The following MYH10 variants were observed in gnomAD, a reference collection of about 807,000 sequenced individuals.
The protein encoded by MYH10 is myosin-10.
A neutral mutation model predicts 257.8 loss-of-function variants in MYH10; 55 were observed. That is an observed-to-expected ratio of 0.21 (90% confidence interval 0.17 to 0.27). The LOEUF is 0.27. MYH10 is among the 10% of genes least tolerant of loss of function. MYH10 has a pLI of 1.00. For synonymous variants in MYH10, 854 were observed against 921.7 expected (o/e 0.93, Z 1.33); for missense variants, 1,631 against 2,500.6 (o/e 0.65, Z 7.42).
chr17:8,554,093 G>A lies in MYH10; in HGVS notation c.757-75C>T. 2 of 1,004,238 alleles carry A rather than the reference G, an allele frequency of 2.0e-6. 1 individual carries two copies. Among genetic ancestry groups the A allele is most frequent in the South Asian group, 2.8e-5 (2 of 72,518 alleles). The allele number at this position is 1,004,238 out of a possible 1,614,324, so 62.2% of individuals were successfully genotyped here. On this transcript the variant is annotated intron_variant, in intron 7 of 42. Coordinates refer to ENST00000360416, the MANE Select transcript of MYH10 (RefSeq NM_001256012.3). ...GATATGAACACTAATAAACTAAGAA[G>A]ACAACAAGTATCCATGAATTAGTTA...
At chr17:8,511,029 T>TATATATATATAC (rs2081258282) in intron 24 of MYH10, 3 of 4,562 alleles carry the variant, frequency 6.6e-4, no homozygotes, top group Non-Finnish European at 8.9e-3. Flanking sequence ...TATATATATA[T>TATATATATATAC]ATATATATAT....
chr17:8,540,777 A>T (rs2082270916), intron 14 of MYH10, among the ~76,000 whole-genome samples: 1 of 152,224 alleles, frequency 6.6e-6, no homozygotes, highest in South Asian at 2.1e-4. Context: ...ACTAATGTGA[A>T]ATACTCCCTT....
chr17:8,576,564 G>C (rs1435491726), intron 6 of MYH10, 79 bp downstream of exon 6: 1 of 1,367,784 alleles, frequency 7.3e-7, no homozygotes, highest in Non-Finnish European at 1.0e-6. Flanking sequence ...AGTGGCATTT[G>C]ATTCTAGCAG....
At chr17:8,620,447 AAAG>A (rs1300142409) in intron 2 of MYH10, among the ~76,000 whole-genome samples, 4 of 150,018 alleles carry the variant, frequency 2.7e-5, no homozygotes, top group African/African-American at 1.0e-4. Context: ...TTTTATTAGG[AAAG>A]AAGATGAAAA....
At chr17:8,487,948 G>A (rs1240584852) in intron 35 of MYH10, among the ~76,000 whole-genome samples, 1 of 152,198 alleles carries the variant, frequency 6.6e-6, no homozygotes, top group Non-Finnish European at 1.5e-5. Flanking sequence ...GAGCGGGCAT[G>A]GGGTGGTTGC....
intron 3 of MYH10, among the ~76,000 whole-genome samples, chr17:8,591,644 G>C (rs919900134): frequency 6.6e-6 from 1 of 152,016 alleles, no homozygotes; most frequent in Non-Finnish European, 1.5e-5. Context: ...AACCCAAATC[G>C]AATTGCCTCC....
In MYH10 at chr17:8,535,513, CA is replaced by C. The variant is rs762086142; in HGVS notation, c.1780-13del. On this transcript the variant is annotated splice_polypyrimidine_tract_variant and intron_variant, in intron 15 of 42. Transcript: ENST00000360416. This position sits in a 1 kb window ranked among gnomAD's most constrained non-coding sequence, Gnocchi z 4.3. ...GCCTTATAGTCCACCTATCCCGCACCAAAGCCAAAAGTGGTGAAATGGAGAA... is the reference window on the plus strand; with the variant it reads ...GCCTTATAGTCCACCTATCCCGCACCAAGCCAAAAGTGGTGAAATGGAGAA... 3.8e-6 allele frequency: 6 copies of C among 1,591,222 alleles called. No homozygotes were observed. The South Asian group carries it at 4.5e-5, about 12-fold the overall frequency.
At chr17:8,614,674 A>T (rs1390912977) in intron 2 of MYH10, among the ~76,000 whole-genome samples, 2 of 152,138 alleles carry the variant, frequency 1.3e-5, no homozygotes, top group Non-Finnish European at 2.9e-5. Context: ...CATTAATTTC[A>T]ACTGAATGCT....
At chr17:8,574,552 A>G (rs1330925036) in intron 6 of MYH10, among the ~76,000 whole-genome samples, 2 of 152,236 alleles carry the variant, frequency 1.3e-5, no homozygotes, top group East Asian at 3.8e-4. Context: ...AATTGTTTCA[A>G]AAAAAGAATG....
rs1372968677 is a variant in MYH10, at chr17:8,506,956, A to T, written c.3215-467T>A. 6.6e-6 allele frequency among the ~76,000 whole-genome samples: 1 copy of T among 152,244 alleles called. No homozygotes were observed. The highest frequency in any genetic ancestry group is 1.5e-5 in the Non-Finnish European group (1 of 68,042). On this transcript the variant is annotated intron_variant, in intron 26 of 42. Transcript: ENST00000360416. This position sits in a 1 kb window ranked among gnomAD's most constrained non-coding sequence, Gnocchi z 5.0. ...GGAGAGAGGAGACAGAAGAGTGGGC[A>T]GAGAGGGCCAGGCCTTTTCTCCACC...
intron 4 of MYH10, among the ~76,000 whole-genome samples, chr17:8,579,007 C>T (rs986447094): frequency 2.6e-5 from 4 of 152,058 alleles, no homozygotes; most frequent in South Asian, 2.1e-4. Context: ...CTATTTGGGC[C>T]GGCCACAGGG....
At chr17:8,517,600 T>C (rs2151895253) in intron 21 of MYH10, among the ~76,000 whole-genome samples, 1 of 152,348 alleles carries the variant, frequency 6.6e-6, no homozygotes, top group Non-Finnish European at 1.5e-5. Context: ...TTTTCTCTCG[T>C]TCTCCACCAC....
At chr17:8,508,445 A>G (rs1469747633) in intron 26 of MYH10, 109 bp downstream of exon 26, 1 of 1,469,666 alleles carries the variant, frequency 6.8e-7, no homozygotes, top group Non-Finnish European at 9.3e-7. Context: ...GAAGGTCCTT[A>G]TTATTAGTAA....
chr17:8,606,024 TTAAC>T (rs2084787040), intron 2 of MYH10, among the ~76,000 whole-genome samples: 2 of 152,216 alleles, frequency 1.3e-5, no homozygotes. Context: ...CTTGTCATGA[TTAAC>T]TACTATTCTT....
At chr17:8,489,201 C>T (rs1483799697) in intron 35 of MYH10, among the ~76,000 whole-genome samples, 1 of 152,118 alleles carries the variant, frequency 6.6e-6, no homozygotes, top group Admixed American at 6.5e-5. Context: ...CAGCCCTGGT[C>T]AGGCCTTCGA....
In MYH10 at chr17:8,513,879, C is replaced by G; in HGVS notation, c.2520G>C (p.Lys840Asn). 1 of 1,614,092 alleles carries G rather than the reference C, an allele frequency of 6.2e-7. No homozygotes were observed. The highest frequency in any genetic ancestry group is 8.5e-7 in the Non-Finnish European group (1 of 1,179,962). ...CCTTTAAGGCACTTAGTTGCTGCTGCTTCTTGGCAAAGGCCCTGAAGAACA... is the reference window on the plus strand; with the variant it reads ...CCTTTAAGGCACTTAGTTGCTGCTGGTTCTTGGCAAAGGCCCTGAAGAACA... ...GYLARKAFAKKQQQLSALKVL... is the reference protein window; with the variant it reads ...GYLARKAFAKNQQQLSALKVL... The change falls in exon 22 of 43, where the codon AAG (lysine) becomes AAC (asparagine). Residue 840 changes from lysine (K) to asparagine (N), a missense_variant. Physicochemically the swap from Lys to Asn is moderately conservative, Grantham distance 94. Transcript: ENST00000360416.
intron 5 of MYH10, 32 bp from the exon 6 acceptor site, chr17:8,576,704 T>C: frequency 6.5e-7 from 1 of 1,549,398 alleles, no homozygotes; most frequent in Non-Finnish European, 8.7e-7. Flanking sequence ...ATGCAAATGT[T>C]AGCAAGTTTG....
chr17:8,555,326 A>C (rs1054217790), intron 7 of MYH10, among the ~76,000 whole-genome samples: 4 of 152,180 alleles, frequency 2.6e-5, no homozygotes, highest in African/African-American at 9.7e-5. Flanking sequence ...AAAAGGACTT[A>C]GACTAATCAC....
chr17:8,563,712 C>T (rs1296698919), intron 7 of MYH10, among the ~76,000 whole-genome samples: 1 of 152,190 alleles, frequency 6.6e-6, no homozygotes, highest in African/African-American at 2.4e-5. Flanking sequence ...TTTTCAGCAA[C>T]TGCCTTTTGA....
Sources: allele counts gnomAD v4.1 joint callset (sites outside exome capture counted in the v4.1 genomes callset), GRCh38; gene constraint gnomAD v4.1.1; non-coding constraint Gnocchi (gnomAD v3.1); transcripts MANE v1.5; gene names NCBI Gene and HGNC (gene_info 2026-07-23, HGNC 2026-07-21).